Variants in PRKCQ observed in about 807,000 individuals in gnomAD.
PRKCQ encodes the protein protein kinase C theta, also known as protein kinase C theta type.
A neutral mutation model predicts 91.2 loss-of-function variants in PRKCQ; 41 were observed. The observed-to-expected ratio is 0.45, with a 90% CI of 0.35 to 0.58. PRKCQ has a LOEUF of 0.58. Ranked by LOEUF, PRKCQ falls within the 20% of genes least tolerant of loss-of-function variation. The pLI, the probability that PRKCQ is intolerant of heterozygous loss-of-function variation, is 0.00. For synonymous variants in PRKCQ, 307 were observed against 316.9 expected (o/e 0.97, Z 0.33); for missense variants, 673 against 896.5 (o/e 0.75, Z 3.18).
At chr10:6,478,957 G>C in intron 12 of PRKCQ, 35 bp downstream of exon 12, 4 of 1,610,098 alleles carry the variant, frequency 2.5e-6, no homozygotes, top group Non-Finnish European at 2.5e-6. Flanking sequence ...AGACAGGTTA[G>C]AGGGGAGGTA....
At chr10:6,401,453 T>TA in the PRKCQ span, among the ~76,000 whole-genome samples, 1 of 152,148 alleles carries the variant, frequency 6.6e-6, no homozygotes. Context: ...AACACATGGT[T>TA]AATAGTAATA....
chr10:6,560,142 C>G (rs1010942031), intron 1 of PRKCQ, among the ~76,000 whole-genome samples: 4 of 152,158 alleles, frequency 2.6e-5, no homozygotes, highest in Non-Finnish European at 5.9e-5. Flanking sequence ...TCCCCTTCTC[C>G]TTGAAAATAT....
At chr10:6,486,785 C>T (rs1836946928) in intron 8 of PRKCQ, among the ~76,000 whole-genome samples, 1 of 152,208 alleles carries the variant, frequency 6.6e-6, no homozygotes, top group Admixed American at 6.5e-5. Flanking sequence ...CCAAAACATC[C>T]CCTTTCCCAC....
intron 12 of PRKCQ, among the ~76,000 whole-genome samples, chr10:6,476,313 C>CAAAAA (rs34526387): frequency 8.6e-6 from 1 of 116,048 alleles, no homozygotes; most frequent in African/African-American, 3.4e-5. Context: ...ACATGCAAAT[C>CAAAAA]AAAAAAAAAA....
chr10:6,422,265 G>A (rs1307353729), downstream of PRKCQ, among the ~76,000 whole-genome samples: 1 of 152,170 alleles, frequency 6.6e-6, no homozygotes, highest in African/African-American at 2.4e-5. Flanking sequence ...TATGGCTTGT[G>A]AGGCTAGCAC....
intron 16 of PRKCQ, among the ~76,000 whole-genome samples, chr10:6,433,342 G>A (rs1016332851): frequency 1.3e-5 from 2 of 152,112 alleles, no homozygotes; most frequent in African/African-American, 4.8e-5. Context: ...TTTTTCCAAG[G>A]TTGTCTTCTT....
At chr10:6,421,449 C>T in the PRKCQ span, among the ~76,000 whole-genome samples, 8 of 152,210 alleles carry the variant, frequency 5.3e-5, 1 homozygote, top group South Asian at 1.4e-3. The surrounding 1 kb of genome is among the most constrained non-coding windows in gnomAD (Gnocchi z 4.1). Flanking sequence ...TGTGCCAATA[C>T]ACTCCATCCT....
At chr10:6,480,652 G>A (rs1836546765) in intron 11 of PRKCQ, among the ~76,000 whole-genome samples, 1 of 152,200 alleles carries the variant, frequency 6.6e-6, no homozygotes. Context: ...GTGAAAGTCA[G>A]GTAAGATGAG....
At chr10:6,553,494 A>G (rs4750599) in intron 1 of PRKCQ, among the ~76,000 whole-genome samples, 1 of 101,762 alleles carries the variant, frequency 9.8e-6, no homozygotes, top group Non-Finnish European at 1.9e-5. Flanking sequence ...TGTCTCAAAA[A>G]AAAAAAAAAA....
intron 15 of PRKCQ, among the ~76,000 whole-genome samples, chr10:6,451,971 T>C (rs1421291354): frequency 1.6e-4 from 25 of 152,166 alleles, no homozygotes; most frequent in Admixed American, 2.0e-4. Flanking sequence ...GCCAATATCA[T>C]ACGGAATGGG....
chr10:6,425,369 C>T (rs111317763), downstream of PRKCQ, among the ~76,000 whole-genome samples: 50 of 152,056 alleles, frequency 3.3e-4, 2 homozygotes, highest in African/African-American at 1.1e-3. Context: ...GGATTACAGA[C>T]GCGTGCCACC....
intron 14 of PRKCQ, among the ~76,000 whole-genome samples, chr10:6,461,875 C>G (rs1206564002): frequency 6.6e-6 from 1 of 151,968 alleles, no homozygotes; most frequent in Non-Finnish European, 1.5e-5. Flanking sequence ...AGAGCTTGGA[C>G]AGAAGAACGT....
At chr10:6,524,979 C>G (rs1839145645) in intron 1 of PRKCQ, among the ~76,000 whole-genome samples, 1 of 152,196 alleles carries the variant, frequency 6.6e-6, no homozygotes, top group Non-Finnish European at 1.5e-5. Context: ...TTTCCATCAG[C>G]TTTTAGCCCA....
chr10:6,554,603 G>T (rs1387370426), intron 1 of PRKCQ, among the ~76,000 whole-genome samples: 1 of 152,172 alleles, frequency 6.6e-6, no homozygotes, highest in African/African-American at 2.4e-5. Flanking sequence ...GTCAACTCTT[G>T]TGGGGGCTTT....
chr10:6,526,967 A>G (rs1398340624), intron 1 of PRKCQ, among the ~76,000 whole-genome samples: 1 of 152,158 alleles, frequency 6.6e-6, no homozygotes, highest in Non-Finnish European at 1.5e-5. Flanking sequence ...AGGGATTCCG[A>G]TATCTCTTGA....
At chr10:6,546,746 T>C (rs1353300132) in intron 1 of PRKCQ, among the ~76,000 whole-genome samples, 1 of 152,176 alleles carries the variant, frequency 6.6e-6, no homozygotes, top group Non-Finnish European at 1.5e-5. Context: ...CTAATTGCCC[T>C]GGCCAGAACT....
chr10:6,473,717 A>G (rs1564330329), intron 12 of PRKCQ, among the ~76,000 whole-genome samples: 1 of 152,196 alleles, frequency 6.6e-6, no homozygotes, highest in Admixed American at 6.5e-5. Flanking sequence ...AGGTTCATGG[A>G]TTGCAGCATT....
the PRKCQ span, among the ~76,000 whole-genome samples, chr10:6,396,487 G>A: frequency 3.9e-5 from 6 of 152,196 alleles, no homozygotes; most frequent in African/African-American, 9.7e-5. Context: ...TTTCTGTCTC[G>A]ATAGATTTGC....
intron 1 of PRKCQ, among the ~76,000 whole-genome samples, chr10:6,534,584 C>A (rs1839505126): frequency 6.6e-6 from 1 of 151,826 alleles, no homozygotes; most frequent in Non-Finnish European, 1.5e-5. Context: ...AATATACTTA[C>A]AAGACTGTTC....
Sources: gnomAD v4.1 joint callset for allele counts (sites outside exome capture counted in the v4.1 genomes callset) on GRCh38, gnomAD v4.1.1 for gene constraint, Gnocchi (gnomAD v3.1) non-coding constraint, MANE v1.5 for transcripts, NCBI Gene and HGNC (gene_info 2026-07-23, HGNC 2026-07-21) for gene names.